The following FANCI variants were observed in gnomAD, a reference collection of about 807,000 sequenced individuals.
FANCI encodes the protein FA complementation group I.
Under a neutral mutation model 176.1 loss-of-function variants are expected in FANCI, and 156 were observed. That is an observed-to-expected ratio of 0.89 (90% CI 0.78 to 1.01). The LOEUF is 1.01. FANCI is among the 50% of genes least tolerant of loss of function. FANCI has a pLI of 0.00. For missense variants in FANCI, 1,678 were observed against 1,534.1 expected, an observed-to-expected ratio of 1.09 and a Z score of -1.57; for synonymous variants, 613 against 541.7, an observed-to-expected ratio of 1.13 and a Z score of -1.83.
chr15:89,298,766 C>T (rs1002504927), intron 24 of FANCI, among the ~76,000 whole-genome samples: 1 of 152,152 alleles, frequency 6.6e-6, no homozygotes, highest in Non-Finnish European at 1.5e-5. Flanking sequence ...GAAGGGACAT[C>T]ACTACTGATC....
chr15:89,299,683 C>T, intron 24 of FANCI, 117 bp from the exon 25 acceptor site: 1 of 984,214 alleles, frequency 1.0e-6, no homozygotes, highest in South Asian at 1.4e-5. Context: ...ATTACACAAC[C>T]ATGTAAGTTT....
intron 8 of FANCI, 35 bp downstream of exon 8, chr15:89,264,061 T>C: frequency 3.7e-6 from 6 of 1,613,488 alleles, no homozygotes; most frequent in Non-Finnish European, 4.2e-6. Context: ...TTAGTTCTGG[T>C]GGTATGACCA....
At position 89,307,637 on chromosome 15, in the gene FANCI, A is replaced by AC. The variant is rs1567175626; in HGVS notation, c.3622dup (p.Leu1208ProfsTer12). ...GGTGAAGCTGTCTGGTTCTCATCTG[A>AC]CCCCCCTGTGTTATTCTTTCATTTC... On this transcript the variant is annotated frameshift_variant, in exon 34 of 38. Coordinates refer to ENST00000310775, the MANE Select transcript of FANCI (RefSeq NM_001113378.2). LOFTEE classifies it high-confidence loss of function. 1.9e-6 allele frequency: 3 copies of AC among 1,613,616 alleles called. No individual in the cohort carries two copies. Among genetic ancestry groups the AC allele is most frequent in the East Asian group, 2.2e-5 (1 of 44,848 alleles).
At chr15:89,302,374 T>G (rs1199300339) in intron 27 of FANCI, among the ~76,000 whole-genome samples, 1 of 152,042 alleles carries the variant, frequency 6.6e-6, no homozygotes, top group African/African-American at 2.4e-5. Context: ...CTGCTGTTTT[T>G]GCTGCAAAGA....
chr15:89,260,515 G>T (rs1306938030), intron 3 of FANCI, among the ~76,000 whole-genome samples, 198 bp from the exon 4 acceptor site: 2 of 152,214 alleles, frequency 1.3e-5, no homozygotes, highest in East Asian at 3.8e-4. Flanking sequence ...ATGAAGAAAA[G>T]ATGACATTTT....
At position 89,299,930 on chromosome 15, in the gene FANCI, T is replaced by C; in HGVS notation, c.2767T>C (p.Tyr923His). 1 of 1,614,146 alleles carries C rather than the reference T, an allele frequency of 6.2e-7. No homozygotes were observed. Among genetic ancestry groups the C allele is most frequent in the Non-Finnish European group, 8.5e-7 (1 of 1,179,988 alleles). ...AATATTCAGTGCTGTGCAACAGTTC[T>C]ATCAGCCCAAGATTCAGCAGTTTCT... ...QKIFSAVQQF[Y>H]QPKIQQFLRA... Residue 923 changes from tyrosine to histidine, a missense_variant, in exon 25 of 38, where the codon TAT (tyrosine) becomes CAT (histidine). Physicochemically the swap from Tyr to His is moderately conservative, Grantham distance 83. Coordinates refer to ENST00000310775, the MANE Select transcript of FANCI (RefSeq NM_001113378.2).
chr15:89,257,628 C>T (rs1434814949), intron 2 of FANCI, among the ~76,000 whole-genome samples: 1 of 152,114 alleles, frequency 6.6e-6, no homozygotes, highest in African/African-American at 2.4e-5. Flanking sequence ...GATTAGGACC[C>T]ATCCTAATGA....
intron 35 of FANCI, 69 bp from the exon 36 acceptor site, chr15:89,314,543 G>C: frequency 8.7e-7 from 1 of 1,156,006 alleles, no homozygotes; most frequent in Non-Finnish European, 1.3e-6. Flanking sequence ...TTTTGTAAGT[G>C]ACAGCTTCAG....
At chr15:89,253,485 C>T (rs912479029) in intron 2 of FANCI, among the ~76,000 whole-genome samples, 2 of 151,498 alleles carry the variant, frequency 1.3e-5, no homozygotes, top group Non-Finnish European at 2.9e-5. Context: ...TGCACTTCAA[C>T]GGGTGAAAGT....
chr15:89,269,258 T>A (rs572578574), intron 10 of FANCI, among the ~76,000 whole-genome samples: 1 of 152,330 alleles, frequency 6.6e-6, no homozygotes, highest in Non-Finnish European at 1.5e-5. Context: ...AATGCCTGAA[T>A]ATTTCAGCAT....
rs574643350 is a variant in FANCI, at chr15:89,293,687, GTAT to G, written c.2292-142_2292-140del. 2.2e-4 allele frequency: 196 copies of G among 876,454 alleles called. No homozygotes were observed. In the African/African-American group the frequency reaches 3.1e-3, roughly 14 times the overall value. The allele number at this position is 876,454 out of a possible 1,614,324, so 54.3% of individuals were successfully genotyped here. A position where few individuals can be genotyped will look rare whatever the true frequency, so the allele number is the denominator to read the frequency against. ...CCAGATAGATTGCTGTGACCTGGGA[GTAT>G]TATATTAATGAAGTTCTATTCATTT... is the stretch of plus-strand genomic sequence containing the variant. On this transcript the variant is annotated intron_variant, in intron 22 of 37. Transcript: ENST00000310775.
chr15:89,294,133 A>G, intron 23 of FANCI, 136 bp downstream of exon 23: 1 of 1,018,084 alleles, frequency 9.8e-7, no homozygotes, highest in South Asian at 1.4e-5. Flanking sequence ...TTGAAATAAA[A>G]GCTGGACAAT....
At chr15:89,297,210 C>T (rs1355794128) in intron 24 of FANCI, among the ~76,000 whole-genome samples, 28 of 150,706 alleles carry the variant, frequency 1.9e-4, no homozygotes, top group African/African-American at 6.6e-4. Context: ...GGCGGCGGGG[C>T]AGAGGCGCTC....
At chr15:89,290,093 A>G in intron 18 of FANCI, 120 bp from the exon 19 acceptor site, 2 of 804,638 alleles carry the variant, frequency 2.5e-6, no homozygotes, top group Non-Finnish European at 4.3e-6. Context: ...ACTGTCAAAT[A>G]TGGTCTCAAT....
In FANCI at chr15:89,262,565, G is replaced by A. The variant is rs1022511854; in HGVS notation, c.503+687G>A. On this transcript the variant is annotated intron_variant, in intron 6 of 37. Coordinates refer to ENST00000310775, the MANE Select transcript of FANCI (RefSeq NM_001113378.2). ...TATATAATACTGTGATTGCGTGTAGGTTTGTTAAAAAGAACAAGAAGGGAA... is the reference window on the plus strand; with the variant it reads ...TATATAATACTGTGATTGCGTGTAGATTTGTTAAAAAGAACAAGAAGGGAA... Among the ~76,000 whole-genome samples, 25 of 152,222 alleles carry A rather than the reference G, an allele frequency of 1.6e-4. 1 individual carries two copies. The highest frequency in any genetic ancestry group is 5.5e-4 in the African/African-American group (23 of 41,530).
intron 35 of FANCI, among the ~76,000 whole-genome samples, chr15:89,314,232 A>T (rs960628802): frequency 3.3e-5 from 5 of 152,208 alleles, no homozygotes; most frequent in Non-Finnish European, 7.3e-5. Context: ...TTAGGGGGAA[A>T]GATATATAAT....
intron 13 of FANCI, 39 bp downstream of exon 13, chr15:89,276,930 T>G: frequency 6.2e-7 from 1 of 1,607,974 alleles, no homozygotes; most frequent in South Asian, 1.1e-5. Flanking sequence ...TAATTTTGTT[T>G]AAATAATCCA....
chr15:89,257,509 C>A (rs1377073477), intron 2 of FANCI, among the ~76,000 whole-genome samples: 2 of 152,156 alleles, frequency 1.3e-5, no homozygotes, highest in Non-Finnish European at 2.9e-5. Flanking sequence ...CAACCTTTAG[C>A]ATTCCTTGGC....
chr15:89,264,034 T>C lies in FANCI; in HGVS notation c.669+8T>C, dbSNP rs942269232. Reference sequence around the variant, plus strand: ...CTGGTTCTCTCCTCCAAGGTACAAATGGAAAATTGTTTCTCCTTAGTTCTG... The same window carrying C: ...CTGGTTCTCTCCTCCAAGGTACAAACGGAAAATTGTTTCTCCTTAGTTCTG... On this transcript the variant is annotated splice_region_variant and intron_variant, in intron 8 of 37. Transcript: ENST00000310775. 6.8e-6 allele frequency: 11 copies of C among 1,613,902 alleles called. No homozygotes were observed. Among genetic ancestry groups the C allele is most frequent in the Non-Finnish European group, 9.3e-6 (11 of 1,179,932 alleles).
Sources: allele counts gnomAD v4.1 joint callset (sites outside exome capture counted in the v4.1 genomes callset), GRCh38; gene constraint gnomAD v4.1.1; transcripts MANE v1.5; gene names NCBI Gene and HGNC (gene_info 2026-07-23, HGNC 2026-07-21).